The following CHODL variants were observed in gnomAD, a reference collection of about 807,000 sequenced individuals.
The protein encoded by CHODL is chondrolectin.
In CHODL, 29 loss-of-function variants were observed where a neutral mutation model predicts 34.5. The ratio of observed to expected loss-of-function variants is 0.84; its 90% CI spans 0.63 to 1.15. The LOEUF (loss-of-function observed/expected upper bound fraction) is 1.15. CHODL is among the 50% of genes most tolerant of loss of function. CHODL has a pLI of 0.00. For missense variants in CHODL, 332 were observed against 332.5 expected (o/e 1.00, Z 0.01); for synonymous variants, 125 against 116.1 (o/e 1.08, Z -0.49).
chr21:17,987,440 A>T (rs926905271), intron 1 of CHODL, among the ~76,000 whole-genome samples: 3 of 152,186 alleles, frequency 2.0e-5, no homozygotes, highest in African/African-American at 7.2e-5. Context: ...TGTGTTTGGC[A>T]TCATTAGTGA....
chr21:18,098,262 A>C (rs1047149785), intron 2 of CHODL, among the ~76,000 whole-genome samples: 1 of 152,112 alleles, frequency 6.6e-6, no homozygotes, highest in Non-Finnish European at 1.5e-5. Context: ...TAATTAAGAA[A>C]GTGAAGAGAC....
intron 2 of CHODL, among the ~76,000 whole-genome samples, chr21:18,142,018 T>C (rs17002395): frequency 0.015 from 2,214 of 152,212 alleles, 57 homozygotes; most frequent in African/African-American, 0.049. Context: ...TATAAGGAGG[T>C]GCCCCCAAAG....
chr21:18,191,918 T>C (rs2066995296), intron 2 of CHODL, among the ~76,000 whole-genome samples: 1 of 152,178 alleles, frequency 6.6e-6, no homozygotes, highest in South Asian at 2.1e-4. Flanking sequence ...AGTATTGTAT[T>C]GTATACTTAA....
At chr21:17,937,081 C>CAA (rs71189570) in intron 1 of CHODL, among the ~76,000 whole-genome samples, 3,399 of 94,642 alleles carry the variant, frequency 0.036, 129 homozygotes, top group African/African-American at 0.085. Context: ...GACTCCATCT[C>CAA]AAAAAAAAAA....
intron 2 of CHODL, among the ~76,000 whole-genome samples, chr21:18,056,671 T>A (rs1258242198): frequency 1.3e-5 from 2 of 152,042 alleles, no homozygotes; most frequent in African/African-American, 4.8e-5. Context: ...TTTCATCTCT[T>A]TAACTTCTTG....
chr21:18,201,951 A>C (rs922180631), intron 2 of CHODL, among the ~76,000 whole-genome samples: 7 of 151,522 alleles, frequency 4.6e-5, no homozygotes, highest in Non-Finnish European at 8.8e-5. Flanking sequence ...ACTACAGGCG[A>C]CCGCCACCAC....
chr21:17,923,031 A>G (rs904573591), intron 1 of CHODL, among the ~76,000 whole-genome samples: 28 of 152,152 alleles, frequency 1.8e-4, no homozygotes, highest in African/African-American at 6.8e-4. Flanking sequence ...TCATAGGTAG[A>G]TAAGAAACAA....
chr21:18,143,994 C>T (rs1463144741), intron 2 of CHODL, among the ~76,000 whole-genome samples: 1 of 151,888 alleles, frequency 6.6e-6, no homozygotes, highest in African/African-American at 2.4e-5. Flanking sequence ...GTAACATAAC[C>T]AACATTTTCA....
chr21:18,031,229 TG>T (rs1170234475), intron 2 of CHODL, among the ~76,000 whole-genome samples: 1 of 152,148 alleles, frequency 6.6e-6, no homozygotes, highest in Non-Finnish European at 1.5e-5. Flanking sequence ...TTCCCCTATC[TG>T]GAAAAGTTGT....
intron 1 of CHODL, among the ~76,000 whole-genome samples, chr21:17,939,840 C>T (rs749898522): frequency 3.3e-5 from 5 of 152,090 alleles, no homozygotes; most frequent in South Asian, 2.1e-4. Context: ...AGTAGAATTC[C>T]GGAACCCACT....
At chr21:17,952,662 G>C (rs1303504931) in intron 1 of CHODL, among the ~76,000 whole-genome samples, 2 of 152,068 alleles carry the variant, frequency 1.3e-5, no homozygotes, top group Non-Finnish European at 2.9e-5. Flanking sequence ...TTTGAAAATA[G>C]TCAACATGTG....
chr21:18,062,492 G>T (rs546669178), intron 2 of CHODL, among the ~76,000 whole-genome samples: 1 of 152,154 alleles, frequency 6.6e-6, no homozygotes, highest in East Asian at 2.0e-4. Context: ...ATTGAGGGGC[G>T]TGGTGGCTCA....
intron 2 of CHODL, among the ~76,000 whole-genome samples, chr21:18,129,781 T>G (rs1276466450): frequency 6.6e-6 from 1 of 152,096 alleles, no homozygotes; most frequent in Non-Finnish European, 1.5e-5. Flanking sequence ...AAAAATGGTG[T>G]GATGTTCCTG....
At chr21:18,248,673 CATATATGTATATATTATATACAT>C (rs1370047042) in intron 1 of CHODL, among the ~76,000 whole-genome samples, 27 of 107,318 alleles carry the variant, frequency 2.5e-4, no homozygotes, top group Non-Finnish European at 4.0e-4. Flanking sequence ...ATGTATAATA[CATATATGTATATATTATATACAT>C]ATATATGTAT....
intron 1 of CHODL, among the ~76,000 whole-genome samples, chr21:18,017,066 ACTTGT>A (rs975138983): frequency 1.4e-4 from 22 of 152,188 alleles, no homozygotes; most frequent in Admixed American, 1.1e-3. Context: ...GTTGGAAGGG[ACTTGT>A]CTTGTCTCAG....
intron 2 of CHODL, among the ~76,000 whole-genome samples, chr21:18,129,327 T>A (rs1170623747): frequency 6.6e-6 from 1 of 152,194 alleles, no homozygotes; most frequent in Non-Finnish European, 1.5e-5. Flanking sequence ...TTTATTGTCC[T>A]GTTATTCTAA....
intron 2 of CHODL, among the ~76,000 whole-genome samples, chr21:18,087,677 G>T (rs2065024121): frequency 6.6e-6 from 1 of 152,118 alleles, no homozygotes. Context: ...CGAGGGGCAG[G>T]GATCCTCCCA....
In CHODL at chr21:17,962,835, G is replaced by A. The variant is rs1372100184; in HGVS notation, c.-145+45435G>A. ...TCCCAGCACTTTGGGAGGCTGAGGC[G>A]GGTGGATCATGAGGTCAGGAGATCG... On this transcript the variant is annotated intron_variant, in intron 1 of 6. Coordinates refer to the CHODL transcript ENST00000400127. Among the ~76,000 whole-genome samples, 6 of 152,116 alleles carry A rather than the reference G, an allele frequency of 3.9e-5. No homozygotes were observed. The East Asian group carries it at 5.8e-4, about 15-fold the overall frequency.
At chr21:18,264,262 G>A (rs1053204377) in intron 5 of CHODL, among the ~76,000 whole-genome samples, 14 of 152,062 alleles carry the variant, frequency 9.2e-5, no homozygotes, top group African/African-American at 3.4e-4. Flanking sequence ...GCAAGTAAGT[G>A]CACAACACAG....
Sources: allele counts gnomAD v4.1 joint callset (sites outside exome capture counted in the v4.1 genomes callset), GRCh38; gene constraint gnomAD v4.1.1; transcripts MANE v1.5; gene names NCBI Gene and HGNC (gene_info 2026-07-23, HGNC 2026-07-21).